The following PGM1 variants were observed in gnomAD, a reference collection of about 807,000 sequenced individuals.
PGM1 encodes phosphoglucomutase 1.
A neutral mutation model predicts 55.6 loss-of-function variants in PGM1; 52 were observed. The observed-to-expected ratio is 0.94, with a 90% CI of 0.75 to 1.18. The LOEUF is 1.18. PGM1 is among the 50% of genes most tolerant of loss of function. The pLI is 0.00. For synonymous variants in PGM1, 287 were observed against 271.7 expected, an observed-to-expected ratio of 1.06 and a Z score of -0.55; for missense variants, 724 against 729.3, an observed-to-expected ratio of 0.99 and a Z score of 0.08.
In PGM1 at chr1:63,635,251, G is replaced by A. The variant is rs112480237; in HGVS notation, c.873+232G>A. Among the ~76,000 whole-genome samples, 211 of 152,296 alleles carry A rather than the reference G, an allele frequency of 1.4e-3. 3 individuals carry two copies. The highest frequency in any genetic ancestry group is 4.7e-3 in the African/African-American group (196 of 41,554). On this transcript the variant is annotated intron_variant, in intron 5 of 10. Coordinates refer to ENST00000371084, the MANE Select transcript of PGM1 (RefSeq NM_002633.3). ...CATCCATACTTGCTAACAATGGCAC[G>A]ATGATTAGGTTCTGATTATGATAGA...
At chr1:63,606,553 A>G (rs1648424701) in intron 1 of PGM1, among the ~76,000 whole-genome samples, 1 of 152,168 alleles carries the variant, frequency 6.6e-6, no homozygotes, top group Non-Finnish European at 1.5e-5. Flanking sequence ...ACAGGGGAGA[A>G]AGATGGAGGA....
At chr1:63,623,345 CCT>C (rs1648933943) in intron 1 of PGM1, 1 of 1,510,714 alleles carries the variant, frequency 6.6e-7, no homozygotes, top group Admixed American at 2.3e-5. Flanking sequence ...CCATGCAAAC[CCT>C]CTATTTTAGT....
Position 63,593,428 on chromosome 1 carries a change from A to C in PGM1, c.-61A>C. ...CTCACCCCAGAGCAGCTGCAGCCTC[A>C]GCCGGCCGCCCCTCCGCCAGCCAAG... is the stretch of plus-strand genomic sequence containing the variant. On this transcript the variant is annotated 5_prime_UTR_variant, in exon 1 of 11. Transcript: ENST00000371084. 1 of 1,608,900 alleles carries C rather than the reference A, an allele frequency of 6.2e-7. No homozygotes were observed. The highest frequency in any genetic ancestry group is 1.1e-5 in the South Asian group (1 of 90,378).
At position 63,654,320 on chromosome 1, in the gene PGM1, T is replaced by A. The variant is rs976619389; in HGVS notation, c.1465-12T>A. Reference sequence around the variant, plus strand: ...GCATTTGGGGAAAAAAATCTCTGCTTATCTTTTCCAGGGCTTGCGCCTCAT... The same window carrying A: ...GCATTTGGGGAAAAAAATCTCTGCTAATCTTTTCCAGGGCTTGCGCCTCAT... On this transcript the variant is annotated splice_polypyrimidine_tract_variant and intron_variant, in intron 9 of 10. Transcript: ENST00000371084. 1 of 1,613,624 alleles carries A rather than the reference T, an allele frequency of 6.2e-7. No individual in the cohort carries two copies. The highest frequency in any genetic ancestry group is 8.5e-7 in the Non-Finnish European group (1 of 1,179,642).
intron 1 of PGM1, among the ~76,000 whole-genome samples, chr1:63,596,753 A>C (rs1297560792): frequency 6.6e-6 from 1 of 152,156 alleles, no homozygotes; most frequent in East Asian, 1.9e-4. Context: ...TAATTCTAGA[A>C]TATATATATT....
Position 63,648,631 on chromosome 1 carries a change from A to G in PGM1, c.1259A>G (p.Tyr420Cys). The G allele has an allele frequency of 3.1e-6, 5 of 1,614,092 alleles. No individual in the cohort carries two copies. The highest frequency in any genetic ancestry group is 4.2e-6 in the Non-Finnish European group (5 of 1,179,990). Residue 420 changes from tyrosine (Y) to cysteine (C), a missense_variant, in exon 8 of 11, where the codon TAT becomes TGT. This residue lies in a region of PGM1 where 316 missense variants were observed against 313.1 expected (regional missense o/e 1.01). Coordinates refer to ENST00000371084, the MANE Select transcript of PGM1 (RefSeq NM_002633.3). Reference protein sequence around the residue: ...EDILKDHWQKYGRNFFTRYDY... With the variant: ...EDILKDHWQKCGRNFFTRYDY... Reference sequence around the variant, plus strand: ...ATTCTCAAAGATCATTGGCAAAAGTATGGCCGGAATTTCTTCACCAGGTGA... The same window carrying G: ...ATTCTCAAAGATCATTGGCAAAAGTGTGGCCGGAATTTCTTCACCAGGTGA...
At chr1:63,623,113 T>C (rs1648927286) in intron 1 of PGM1, 6 of 647,168 alleles carry the variant, frequency 9.3e-6, no homozygotes, top group African/African-American at 1.9e-5. Flanking sequence ...TGAAGTTGGC[T>C]GCATGCAGCA....
chr1:63,611,990 G>A (rs780203348), intron 1 of PGM1, among the ~76,000 whole-genome samples: 6 of 152,122 alleles, frequency 3.9e-5, no homozygotes, highest in African/African-American at 7.2e-5. Flanking sequence ...GGTGGCTCAC[G>A]CCTGGCCTGT....
At position 63,654,420 on chromosome 1, in the gene PGM1, T is replaced by C; in HGVS notation, c.1553T>C (p.Ile518Thr). The change falls in exon 10 of 11, where the codon ATC becomes ACC. Residue 518 changes from isoleucine (I) to threonine (T), a missense_variant. Physicochemically the swap from Ile to Thr is moderately conservative, Grantham distance 89 (BLOSUM62 -1). Coordinates refer to ENST00000371084, the MANE Select transcript of PGM1 (RefSeq NM_002633.3). ...GCCGGGGCCACCATTCGGCTGTACA[T>C]CGATAGCTATGAGAAGGACGTTGCC... ...GSAGATIRLY[I>T]DSYEKDVAKI... is the part of the protein sequence containing the mutation. 2 of 1,614,028 alleles carry C rather than the reference T, an allele frequency of 1.2e-6. No individual in the cohort carries two copies. The highest frequency in any genetic ancestry group is 1.7e-6 in the Non-Finnish European group (2 of 1,179,956).
intron 1 of PGM1, among the ~76,000 whole-genome samples, chr1:63,595,110 C>T (rs1648021569): frequency 6.6e-6 from 1 of 152,120 alleles, no homozygotes. Flanking sequence ...TCTTCTGGAA[C>T]GCATCCCCTG....
chr1:63,607,117 A>G (rs1648443707), intron 1 of PGM1, among the ~76,000 whole-genome samples: 2 of 152,152 alleles, frequency 1.3e-5, no homozygotes, highest in South Asian at 2.1e-4. Flanking sequence ...TTAGCAGCCA[A>G]TCTCCCTTGC....
chr1:63,656,571 G>GGTGTGTGTGT (rs10629750), intron 10 of PGM1, among the ~76,000 whole-genome samples: 88 of 144,338 alleles, frequency 6.1e-4, no homozygotes, highest in African/African-American at 1.7e-3. Flanking sequence ...AAGACATTGT[G>GGTGTGTGTGT]GTGTGTGTGT....
intron 1 of PGM1, among the ~76,000 whole-genome samples, chr1:63,626,027 C>T (rs1026613455): frequency 2.0e-5 from 3 of 152,144 alleles, no homozygotes; most frequent in Non-Finnish European, 4.4e-5. Context: ...AAAGTTTACT[C>T]CCTGCCATGT....
At chr1:63,597,366 A>G (rs1170550227) in intron 1 of PGM1, among the ~76,000 whole-genome samples, 1 of 152,224 alleles carries the variant, frequency 6.6e-6, no homozygotes, top group Non-Finnish European at 1.5e-5. Context: ...GGAATAATAC[A>G]TACCTGAAGA....
At chr1:63,593,902 G>A (rs1459061272) in intron 1 of PGM1, 168 bp downstream of exon 1, 3 of 1,249,168 alleles carry the variant, frequency 2.4e-6, no homozygotes, top group Non-Finnish European at 3.0e-6. Flanking sequence ...CTGGAGGCCC[G>A]ACGGAGGTCG....
intron 7 of PGM1, among the ~76,000 whole-genome samples, chr1:63,640,667 C>T (rs963699854): frequency 6.6e-6 from 1 of 152,192 alleles, no homozygotes; most frequent in Non-Finnish European, 1.5e-5. Context: ...TGCTGACCCA[C>T]AGGGAACAGG....
chr1:63,654,816 C>A (rs2101003606), intron 10 of PGM1, among the ~76,000 whole-genome samples: 1 of 152,024 alleles, frequency 6.6e-6, no homozygotes, highest in African/African-American at 2.4e-5. Flanking sequence ...GTTTGCCAGG[C>A]TGTGTTGTAA....
intron 1 of PGM1, chr1:63,599,947 T>C (rs1225544125): frequency 6.6e-6 from 1 of 152,178 alleles, no homozygotes; most frequent in African/African-American, 2.4e-5. Flanking sequence ...TTGGGGGAGA[T>C]AAGACAGAAG....
At chr1:63,642,636 C>T (rs977428419) in intron 7 of PGM1, among the ~76,000 whole-genome samples, 18 of 152,034 alleles carry the variant, frequency 1.2e-4, no homozygotes, top group African/African-American at 4.3e-4. Flanking sequence ...TGGGAAAGAG[C>T]GATGGGAAAC....
Sources: allele counts gnomAD v4.1 joint callset (sites outside exome capture counted in the v4.1 genomes callset), GRCh38; gene constraint gnomAD v4.1.1; regional missense constraint gnomAD v4.1.1; transcripts MANE v1.5; gene names NCBI Gene and HGNC (gene_info 2026-07-23, HGNC 2026-07-21).